Variants in HEPH observed in about 807,000 individuals in gnomAD.
HEPH encodes the protein hephaestin.
In HEPH, 69 loss-of-function variants were observed where a neutral mutation model predicts 80.8. That is an observed-to-expected ratio of 0.85 (90% CI 0.70 to 1.04). The LOEUF (loss-of-function observed/expected upper bound fraction) is 1.04, where lower values mean the gene tolerates loss of function less well. Among genes scored for constraint, HEPH ranks in the 50% least tolerant of loss-of-function variants. The probability of loss-of-function intolerance (pLI) is 0.00; values close to 1 mark genes in which losing one functional copy is unlikely to be tolerated. For missense variants in HEPH, 1,115 were observed against 891.3 expected, an observed-to-expected ratio of 1.25 and a Z score of -3.20; for synonymous variants, 431 against 322.8, an observed-to-expected ratio of 1.34 and a Z score of -3.60.
intron 15 of HEPH, among the ~76,000 whole-genome samples, chrX:66,252,086 A>T (rs2148163184): frequency 9.0e-6 from 1 of 111,454 alleles, no homozygotes; most frequent in African/African-American, 3.3e-5. Flanking sequence ...GTAGAAGTGG[A>T]TAATATGAGA....
rs1354778685 is a variant in HEPH, at chrX:66,266,472, G to T, written c.3277G>T (p.Val1093Leu). The T allele has an allele frequency of 1.7e-6, 2 of 1,206,829 alleles. No homozygotes were observed. Among genetic ancestry groups the T allele is most frequent in the Non-Finnish European group, 2.2e-6 (2 of 894,035 alleles). Reference protein sequence around the residue: ...VPPRDIEEGNVKMLGMQIPIK... With the variant: ...VPPRDIEEGNLKMLGMQIPIK... ...CCCCAGAGACATTGAAGAAGGCAATGTGAAGATGCTGGGCATGCAGATCCC... is the reference window on the plus strand; with the variant it reads ...CCCCAGAGACATTGAAGAAGGCAATTTGAAGATGCTGGGCATGCAGATCCC... Residue 1093 changes from valine (V) to leucine (L), a missense_variant, in exon 21 of 21, where the codon GTG (valine) becomes TTG (leucine). Coordinates refer to ENST00000343002, the MANE Select transcript of HEPH (RefSeq NM_001367233.3).
At chrX:66,203,598 A>C (rs759806132) in intron 13 of HEPH, 21 bp downstream of exon 13, 3 of 1,171,901 alleles carry the variant, frequency 2.6e-6, no homozygotes, top group Non-Finnish European at 3.5e-6. Flanking sequence ...ATAAATGGAG[A>C]GATTACACTT....
chrX:66,167,271 G>A (rs2086411943), intron 1 of HEPH, among the ~76,000 whole-genome samples: 1 of 111,815 alleles, frequency 8.9e-6, no homozygotes, highest in African/African-American at 3.3e-5. Flanking sequence ...AAAACACATT[G>A]TAATCTGGAA....
Position 66,164,463 on chromosome X carries a change from T to C in HEPH, c.-21T>C. 10 of 753,899 alleles carry C rather than the reference T, an allele frequency of 1.3e-5. No individual in the cohort carries two copies. Among genetic ancestry groups the C allele is most frequent in the Non-Finnish European group, 1.6e-5 (10 of 638,920 alleles). The allele number at this position is 753,899 out of a possible 1,213,427, so 62.1% of individuals were successfully genotyped here. A position where few individuals can be genotyped will look rare whatever the true frequency, so the allele number is the denominator to read the frequency against. On this transcript the variant is annotated 5_prime_UTR_variant, in exon 1 of 21. Transcript: ENST00000343002. ...GACATGAATATGGAGTAGTTTTCTC[T>C]AGCAAAGGTAAGCTTTCTTTTCTCT...
chrX:66,242,602 T>C (rs1163921635), intron 15 of HEPH, among the ~76,000 whole-genome samples: 1 of 111,676 alleles, frequency 9.0e-6, no homozygotes, highest in Non-Finnish European at 1.9e-5. Flanking sequence ...GAAAATATTT[T>C]CAAACTATGC....
intron 4 of HEPH, among the ~76,000 whole-genome samples, chrX:66,177,603 T>C (rs1284009962): frequency 8.9e-6 from 1 of 112,219 alleles, no homozygotes; most frequent in Non-Finnish European, 1.9e-5. Flanking sequence ...ATTTGGATTT[T>C]CCCTCTTCTT....
chrX:66,179,333 G>C (rs2086978032), intron 4 of HEPH, among the ~76,000 whole-genome samples: 1 of 111,813 alleles, frequency 8.9e-6, no homozygotes, highest in Non-Finnish European at 1.9e-5. Context: ...GTACCATGCT[G>C]TTTTGGTTAC....
At chrX:66,216,921 G>A (rs1161061612) in intron 15 of HEPH, among the ~76,000 whole-genome samples, 1 of 111,597 alleles carries the variant, frequency 9.0e-6, no homozygotes, top group Non-Finnish European at 1.9e-5. Flanking sequence ...CAGTAGAATT[G>A]AAGAAGTAGA....
At chrX:66,204,183 A>T (rs1473062260) in intron 13 of HEPH, among the ~76,000 whole-genome samples, 2 of 111,854 alleles carry the variant, frequency 1.8e-5, no homozygotes, top group African/African-American at 6.5e-5. Flanking sequence ...CACAGCATGG[A>T]AATTGTATAT....
At chrX:66,247,031 G>A (rs2090837396) in intron 15 of HEPH, among the ~76,000 whole-genome samples, 2 of 111,683 alleles carry the variant, frequency 1.8e-5, no homozygotes, top group Admixed American at 1.9e-4. Flanking sequence ...TCTCAGAGAA[G>A]AAATTGGCTA....
At chrX:66,255,244 A>G in intron 16 of HEPH, 103 bp downstream of exon 16, 2 of 462,582 alleles carry the variant, frequency 4.3e-6, no homozygotes, top group Non-Finnish European at 7.3e-6. Flanking sequence ...TCTAGAGCCT[A>G]GAATTTGGGG....
At chrX:66,248,703 A>T (rs942724852) in intron 15 of HEPH, among the ~76,000 whole-genome samples, 8 of 112,284 alleles carry the variant, frequency 7.1e-5, no homozygotes, top group African/African-American at 1.9e-4. Context: ...AAACTACAAA[A>T]GCTATGGCCA....
intron 15 of HEPH, among the ~76,000 whole-genome samples, chrX:66,237,597 G>A (rs1274172432): frequency 8.9e-6 from 1 of 112,001 alleles, no homozygotes; most frequent in Non-Finnish European, 1.9e-5. Flanking sequence ...TGCATATTCT[G>A]TTGTTTTGGG....
intron 15 of HEPH, among the ~76,000 whole-genome samples, chrX:66,233,524 A>G (rs1478039701): frequency 9.0e-6 from 1 of 111,553 alleles, no homozygotes; most frequent in Non-Finnish European, 1.9e-5. Flanking sequence ...CTTACTGAGC[A>G]GTTTGTTTGG....
intron 17 of HEPH, among the ~76,000 whole-genome samples, chrX:66,256,537 G>C (rs1245175826): frequency 9.0e-6 from 1 of 111,634 alleles, no homozygotes; most frequent in Non-Finnish European, 1.9e-5. Flanking sequence ...GGTTAGATTG[G>C]GTGCCCAGAA....
chrX:66,255,217 A>C, intron 16 of HEPH, 76 bp downstream of exon 16: 1 of 596,371 alleles, frequency 1.7e-6, no homozygotes, highest in Non-Finnish European at 2.7e-6. Flanking sequence ...GTGTAGTAAG[A>C]AGCTTACTCC....
intron 15 of HEPH, among the ~76,000 whole-genome samples, chrX:66,244,920 T>TA (rs2090744157): frequency 9.1e-6 from 1 of 110,295 alleles, no homozygotes; most frequent in Non-Finnish European, 1.9e-5. Flanking sequence ...GTGATCCTCT[T>TA]AAAAATATTT....
intron 15 of HEPH, among the ~76,000 whole-genome samples, chrX:66,212,984 C>A (rs1214025370): frequency 9.3e-6 from 1 of 107,473 alleles, no homozygotes; most frequent in Non-Finnish European, 1.9e-5. Flanking sequence ...TCTTCAATTT[C>A]TTTCATCAGT....
intron 4 of HEPH, among the ~76,000 whole-genome samples, chrX:66,180,952 G>C (rs774634725): frequency 7.0e-5 from 7 of 100,056 alleles, no homozygotes; most frequent in African/African-American, 2.6e-4. Context: ...GCGGTATTTG[G>C]TTTTTTTGTT....
Sources: gnomAD v4.1 joint callset for allele counts (sites outside exome capture counted in the v4.1 genomes callset) on GRCh38, gnomAD v4.1.1 for gene constraint, MANE v1.5 for transcripts, NCBI Gene and HGNC (gene_info 2026-07-23, HGNC 2026-07-21) for gene names.